The following ABLIM1 variants were observed in gnomAD, a reference collection of about 807,000 sequenced individuals.
ABLIM1 encodes actin binding LIM protein 1, also known as actin-binding LIM protein 1.
A neutral mutation model predicts 107.0 loss-of-function variants in ABLIM1; 40 were observed. The observed-to-expected ratio is 0.37, with a 90% CI of 0.29 to 0.49. The LOEUF (loss-of-function observed/expected upper bound fraction) is 0.49, where lower values mean the gene tolerates loss of function less well. Among genes scored for constraint, ABLIM1 ranks in the 20% least tolerant of loss-of-function variants. The pLI, the probability that ABLIM1 is intolerant of heterozygous loss-of-function variation, is 0.97. For synonymous variants in ABLIM1, 357 were observed against 357.3 expected, an observed-to-expected ratio of 1.00 and a Z score of 0.01; for missense variants, 857 against 1,008.5, an observed-to-expected ratio of 0.85 and a Z score of 2.04.
intron 1 of ABLIM1, among the ~76,000 whole-genome samples, chr10:114,701,499 T>C (rs772337431): frequency 2.0e-5 from 3 of 152,136 alleles, no homozygotes; most frequent in Non-Finnish European, 4.4e-5. Context: ...TATTAGTAAA[T>C]AGCTATAAAC....
At chr10:114,684,445 G>T in exon 1 of ABLIM1, 1 of 1,573,878 alleles carries the variant, frequency 6.4e-7, no homozygotes, top group African/African-American at 1.3e-5. Flanking sequence ...TGGGGCCCTG[G>T]CTCTCCTCCC....
the ABLIM1 span, among the ~76,000 whole-genome samples, chr10:114,786,180 C>T: frequency 1.3e-5 from 2 of 152,116 alleles, no homozygotes; most frequent in Non-Finnish European, 2.9e-5. Flanking sequence ...TAATTGTCTA[C>T]TGGAAAATCC....
At position 114,622,176 on chromosome 10, in the gene ABLIM1, T is replaced by A. The variant is rs913068628; in HGVS notation, c.245-20215A>T. ...CAGGAAGGGAGTACTCAGCCTTCTC[T>A]CCCATTCCCCATCAGATACTCCAAT... is the stretch of plus-strand genomic sequence containing the variant. On this transcript the variant is annotated intron_variant, in intron 1 of 22. Coordinates refer to ENST00000533213, the MANE Select transcript of ABLIM1 (RefSeq NM_002313.7). Among the ~76,000 whole-genome samples, 4 of 151,824 alleles carry A rather than the reference T, an allele frequency of 2.6e-5. No homozygotes were observed. In the South Asian group the frequency reaches 8.4e-4, roughly 32 times the overall value.
intron 8 of ABLIM1, among the ~76,000 whole-genome samples, chr10:114,474,678 C>T (rs2067262371): frequency 6.6e-6 from 1 of 152,190 alleles, no homozygotes; most frequent in Admixed American, 6.5e-5. Flanking sequence ...CCGCACTCAG[C>T]CGAGAGACCT....
intron 16 of ABLIM1, among the ~76,000 whole-genome samples, chr10:114,444,536 T>C (rs2060732056): frequency 6.6e-6 from 1 of 152,164 alleles, no homozygotes; most frequent in Non-Finnish European, 1.5e-5. Context: ...AGGTAATACA[T>C]GCTAATTTTA....
intron 6 of ABLIM1, among the ~76,000 whole-genome samples, chr10:114,518,659 T>C (rs1268979159): frequency 6.6e-6 from 1 of 151,654 alleles, no homozygotes; most frequent in Non-Finnish European, 1.5e-5. Context: ...TTACATAGTC[T>C]CTAGGTCTGC....
At chr10:114,491,753 A>G (rs1220224160) in intron 7 of ABLIM1, 38 bp downstream of exon 7, 1 of 1,535,390 alleles carries the variant, frequency 6.5e-7, no homozygotes. Flanking sequence ...CCTTTCCCCC[A>G]GCAAGGAAAA....
intron 6 of ABLIM1, chr10:114,526,967 C>A: frequency 1.0e-5 from 10 of 985,462 alleles, no homozygotes; most frequent in Non-Finnish European, 1.1e-5. Flanking sequence ...CCACAATGGG[C>A]CAGTCCATGT....
intron 1 of ABLIM1, among the ~76,000 whole-genome samples, chr10:114,606,105 C>T (rs1357884729): frequency 6.6e-6 from 1 of 152,150 alleles, no homozygotes; most frequent in Non-Finnish European, 1.5e-5. Flanking sequence ...GCCCAAGCTA[C>T]CTCTCTCTGG....
chr10:114,651,954 A>G (rs2079267991), intron 1 of ABLIM1, among the ~76,000 whole-genome samples: 1 of 152,194 alleles, frequency 6.6e-6, no homozygotes, highest in Non-Finnish European at 1.5e-5. Context: ...GCCGGTCACT[A>G]CTTTGCCTCT....
At chr10:114,647,101 T>G in intron 1 of ABLIM1, among the ~76,000 whole-genome samples, 1 of 152,138 alleles carries the variant, frequency 6.6e-6, no homozygotes, top group East Asian at 1.9e-4. Context: ...GTTCAAGCAA[T>G]TATTGTGCCT....
chr10:114,800,937 G>T, the ABLIM1 span, among the ~76,000 whole-genome samples: 4 of 151,796 alleles, frequency 2.6e-5, no homozygotes, highest in African/African-American at 7.3e-5. Context: ...AAAAAGAAAA[G>T]AAAAGAAAAA....
At chr10:114,597,978 G>A (rs917327194) in intron 2 of ABLIM1, among the ~76,000 whole-genome samples, 1 of 152,140 alleles carries the variant, frequency 6.6e-6, no homozygotes, top group African/African-American at 2.4e-5. Flanking sequence ...CATTTGAAAT[G>A]TGTCTAGTCC....
intron 1 of ABLIM1, among the ~76,000 whole-genome samples, chr10:114,612,330 A>T (rs1340484227): frequency 6.6e-6 from 1 of 152,180 alleles, no homozygotes. Flanking sequence ...TTCTGCCTCC[A>T]CCATGGGATA....
At chr10:114,556,561 T>G (rs1281254239) in intron 4 of ABLIM1, among the ~76,000 whole-genome samples, 2 of 152,180 alleles carry the variant, frequency 1.3e-5, no homozygotes, top group Non-Finnish European at 2.9e-5. Flanking sequence ...AACCCAGACT[T>G]TCCTTATGTT....
chr10:114,608,330 C>T (rs984877179), intron 1 of ABLIM1, among the ~76,000 whole-genome samples: 3 of 152,042 alleles, frequency 2.0e-5, no homozygotes, highest in Admixed American at 6.6e-5. Context: ...CACCATTGCA[C>T]TCCAGCCTGG....
chr10:114,560,068 T>G lies in ABLIM1; in HGVS notation c.673+11229A>C, dbSNP rs572270614. On this transcript the variant is annotated intron_variant, in intron 4 of 22. Transcript: ENST00000533213. ...TAGTGGGCACCAGCCCAGTAATTTC[T>G]GGGAGAGCTTAAGAAAACTGGCCAC... 8.5e-5 allele frequency among the ~76,000 whole-genome samples: 13 copies of G among 152,352 alleles called. No homozygotes were observed. In the East Asian group the frequency reaches 2.5e-3, roughly 29 times the overall value.
At chr10:114,684,372 T>C in exon 1 of ABLIM1, 2 of 1,613,880 alleles carry the variant, frequency 1.2e-6, no homozygotes, top group Non-Finnish European at 1.7e-6. Flanking sequence ...CTCCAGGGTT[T>C]CAGCTTTTCT....
At chr10:114,477,378 T>G (rs1049162308) in intron 8 of ABLIM1, among the ~76,000 whole-genome samples, 3 of 152,168 alleles carry the variant, frequency 2.0e-5, no homozygotes, top group Non-Finnish European at 2.9e-5. Flanking sequence ...CTTCGGTTAC[T>G]GGGGTTGCTA....
Sources: allele counts gnomAD v4.1 joint callset (sites outside exome capture counted in the v4.1 genomes callset), GRCh38; gene constraint gnomAD v4.1.1; transcripts MANE v1.5; gene names NCBI Gene and HGNC (gene_info 2026-07-23, HGNC 2026-07-21).